Variants in LOC128125818 observed in about 807,000 individuals in gnomAD.
the LOC128125818 span, among the ~76,000 whole-genome samples, chr4:6,067,931 C>T: frequency 6.6e-6 from 1 of 152,242 alleles, no homozygotes; most frequent in Non-Finnish European, 1.5e-5. The surrounding 1 kb of genome is among the most constrained non-coding windows in gnomAD (Gnocchi z 4.6). Flanking sequence ...CTGCTAACTG[C>T]AAGGCCTTTG....
At chr4:6,067,505 C>T in the LOC128125818 span, among the ~76,000 whole-genome samples, 48 of 152,286 alleles carry the variant, frequency 3.2e-4, no homozygotes, top group African/African-American at 1.0e-3. This position sits in a 1 kb window ranked among gnomAD's most constrained non-coding sequence, Gnocchi z 4.6. Context: ...ATGGACTCTT[C>T]CAACCAGCTC....
the LOC128125818 span, among the ~76,000 whole-genome samples, chr4:6,068,240 A>G: frequency 1.3e-5 from 2 of 152,192 alleles, no homozygotes; most frequent in Non-Finnish European, 1.5e-5. Flanking sequence ...GGCATTAACT[A>G]CCGATGTTGC....
the LOC128125818 span, among the ~76,000 whole-genome samples, chr4:6,066,685 A>G: frequency 3.4e-5 from 5 of 148,722 alleles, no homozygotes; most frequent in South Asian, 2.1e-4. Context: ...CCCTGGGAGA[A>G]ACCCTGTTGT....
the LOC128125818 span, among the ~76,000 whole-genome samples, chr4:6,069,765 A>G: frequency 0.011 from 1,728 of 152,112 alleles, 45 homozygotes; most frequent in African/African-American, 0.039. This position sits in a 1 kb window ranked among gnomAD's most constrained non-coding sequence, Gnocchi z 4.5. Flanking sequence ...AAAAAAAAAA[A>G]AAAAGATTCA....
At chr4:6,069,752 CA>C in the LOC128125818 span, among the ~76,000 whole-genome samples, 2,800 of 124,970 alleles carry the variant, frequency 0.022, 54 homozygotes, top group African/African-American at 0.071. This position sits in a 1 kb window ranked among gnomAD's most constrained non-coding sequence, Gnocchi z 4.5. Flanking sequence ...GATCCTGTCT[CA>C]AAAAAAAAAA....
At chr4:6,069,037 AATAG>A in the LOC128125818 span, among the ~76,000 whole-genome samples, 10 of 152,354 alleles carry the variant, frequency 6.6e-5, no homozygotes, top group Non-Finnish European at 1.0e-4. The surrounding 1 kb of genome is among the most constrained non-coding windows in gnomAD (Gnocchi z 4.5). Context: ...ATTAATAAAA[AATAG>A]AAACAATATA....
At chr4:6,068,204 G>A in the LOC128125818 span, among the ~76,000 whole-genome samples, 1 of 152,198 alleles carries the variant, frequency 6.6e-6, no homozygotes, top group African/African-American at 2.4e-5. Flanking sequence ...GCTAGTTAAG[G>A]ACTCAACTCC....
At chr4:6,066,769 C>T in the LOC128125818 span, among the ~76,000 whole-genome samples, 1 of 152,092 alleles carries the variant, frequency 6.6e-6, no homozygotes, top group Non-Finnish European at 1.5e-5. Context: ...TCCCAGCCAC[C>T]AATATCTCTC....
the LOC128125818 span, among the ~76,000 whole-genome samples, chr4:6,066,540 C>G: frequency 6.6e-6 from 1 of 151,868 alleles, no homozygotes; most frequent in East Asian, 1.9e-4. Context: ...GGAATCCTAG[C>G]GGGCAGTGAC....
chr4:6,069,752 CAA>C, the LOC128125818 span, among the ~76,000 whole-genome samples: 63,724 of 124,900 alleles, frequency 0.51, 16,506 homozygotes, highest in Non-Finnish European at 0.66. This position sits in a 1 kb window ranked among gnomAD's most constrained non-coding sequence, Gnocchi z 4.5. Context: ...GATCCTGTCT[CAA>C]AAAAAAAAAA....
the LOC128125818 span, among the ~76,000 whole-genome samples, chr4:6,065,335 C>T: frequency 6.6e-6 from 1 of 152,200 alleles, no homozygotes; most frequent in East Asian, 1.9e-4. This position sits in a 1 kb window ranked among gnomAD's most constrained non-coding sequence, Gnocchi z 5.1. Context: ...AGCCACCTCA[C>T]CTGTGAGCAC....
At chr4:6,069,805 T>C in the LOC128125818 span, among the ~76,000 whole-genome samples, 1 of 150,558 alleles carries the variant, frequency 6.6e-6, no homozygotes, top group Non-Finnish European at 1.5e-5. This position sits in a 1 kb window ranked among gnomAD's most constrained non-coding sequence, Gnocchi z 4.5. Flanking sequence ...AGAGTAAACA[T>C]GTCTCCTCCA....
At chr4:6,065,222 G>A in the LOC128125818 span, among the ~76,000 whole-genome samples, 1 of 152,216 alleles carries the variant, frequency 6.6e-6, no homozygotes, top group African/African-American at 2.4e-5. The surrounding 1 kb of genome is among the most constrained non-coding windows in gnomAD (Gnocchi z 5.1). Context: ...GCCTGAGCGA[G>A]CTAGTCTGGC....
the LOC128125818 span, among the ~76,000 whole-genome samples, chr4:6,065,186 G>C: frequency 6.6e-6 from 1 of 152,196 alleles, no homozygotes; most frequent in African/African-American, 2.4e-5. The surrounding 1 kb of genome is among the most constrained non-coding windows in gnomAD (Gnocchi z 5.1). Flanking sequence ...GGTGGCAGCA[G>C]GTGGCGGATG....
chr4:6,065,194 A>G, the LOC128125818 span, among the ~76,000 whole-genome samples: 1 of 152,146 alleles, frequency 6.6e-6, no homozygotes, highest in Non-Finnish European at 1.5e-5. The surrounding 1 kb of genome is among the most constrained non-coding windows in gnomAD (Gnocchi z 5.1). Flanking sequence ...CAGGTGGCGG[A>G]TGACCCTAGG....
the LOC128125818 span, among the ~76,000 whole-genome samples, chr4:6,068,037 G>A: frequency 6.6e-5 from 10 of 152,160 alleles, no homozygotes; most frequent in African/African-American, 1.4e-4. Flanking sequence ...GACCATCCAC[G>A]TCAGCATCAG....
the LOC128125818 span, among the ~76,000 whole-genome samples, chr4:6,066,205 G>A: frequency 6.6e-6 from 1 of 151,842 alleles, no homozygotes; most frequent in Non-Finnish European, 1.5e-5. Flanking sequence ...GCCCCTCCCA[G>A]CCTGAGTGTT....
chr4:6,065,550 T>G, the LOC128125818 span, among the ~76,000 whole-genome samples: 1 of 152,340 alleles, frequency 6.6e-6, no homozygotes, highest in East Asian at 1.9e-4. This position sits in a 1 kb window ranked among gnomAD's most constrained non-coding sequence, Gnocchi z 5.1. Flanking sequence ...CCTAGTACTC[T>G]GACTAGTGTG....
chr4:6,069,900 T>C, the LOC128125818 span, among the ~76,000 whole-genome samples: 2 of 151,472 alleles, frequency 1.3e-5, no homozygotes, highest in Non-Finnish European at 2.9e-5. The surrounding 1 kb of genome is among the most constrained non-coding windows in gnomAD (Gnocchi z 4.5). Flanking sequence ...CCAAAACAAA[T>C]AGCCCCCCAA....
Sources: gnomAD v4.1 joint callset for allele counts (sites outside exome capture counted in the v4.1 genomes callset) on GRCh38, gnomAD v4.1.1 for gene constraint, Gnocchi (gnomAD v3.1) non-coding constraint, MANE v1.5 for transcripts.